Variants in RBM10 observed in about 807,000 individuals in gnomAD.
RBM10 encodes the protein RNA-binding protein 10.
In RBM10, 1 loss-of-function variant was observed where a neutral mutation model predicts 84.9. The observed-to-expected ratio is 0.01, with a 90% CI of 0.00 to 0.06. The LOEUF (loss-of-function observed/expected upper bound fraction) is 0.06. Among genes scored for constraint, RBM10 ranks in the 10% least tolerant of loss-of-function variants. The probability of loss-of-function intolerance (pLI) is 1.00; values close to 1 mark genes in which losing one functional copy is unlikely to be tolerated. For missense variants in RBM10, 438 were observed against 839.0 expected, an observed-to-expected ratio of 0.52 and a Z score of 5.90; for synonymous variants, 326 against 344.5, an observed-to-expected ratio of 0.95 and a Z score of 0.60.
At chrX:47,164,279 A>G (rs1196050901) in intron 2 of RBM10, among the ~76,000 whole-genome samples, 3 of 111,735 alleles carry the variant, frequency 2.7e-5, no homozygotes, top group Non-Finnish European at 5.6e-5. Flanking sequence ...AACATCCAGA[A>G]TATATGAACT....
chrX:47,154,380 A>G (rs1427669994), intron 2 of RBM10, among the ~76,000 whole-genome samples: 1 of 110,170 alleles, frequency 9.1e-6, no homozygotes, highest in Non-Finnish European at 1.9e-5. Flanking sequence ...GGATAATTTC[A>G]TCTGAAAATT....
chrX:47,161,690 C>G (rs1215274113), intron 2 of RBM10, among the ~76,000 whole-genome samples: 1 of 108,973 alleles, frequency 9.2e-6, no homozygotes, highest in Non-Finnish European at 1.9e-5. Context: ...ACCACCACGC[C>G]TAACTACTTT....
chrX:47,175,769 G>A (rs1935089238), intron 6 of RBM10, among the ~76,000 whole-genome samples: 1 of 110,810 alleles, frequency 9.0e-6, no homozygotes, highest in African/African-American at 3.3e-5. Flanking sequence ...GCCCTGGGGG[G>A]AGCCTGTCCC....
At position 47,186,703 on chromosome X, in the gene RBM10, CCA is replaced by C. The variant is rs782364985; in HGVS notation, c.*106_*107del. 8.8e-5 allele frequency: 92 copies of C among 1,044,044 alleles called. No homozygotes were observed. Among genetic ancestry groups the C allele is most frequent in the Non-Finnish European group, 1.2e-4 (92 of 751,290 alleles). The allele number at this position is 1,044,044 out of a possible 1,213,427, so 86.0% of individuals were successfully genotyped here. A position where few individuals can be genotyped will look rare whatever the true frequency, so the allele number is the denominator to read the frequency against. On this transcript the variant is annotated 3_prime_UTR_variant, in exon 24 of 24. Coordinates refer to ENST00000377604, the MANE Select transcript of RBM10 (RefSeq NM_005676.5). ...CGGGGCCTTGCTCTTGTCGGCCAGC[CCA>C]CTCCCCAGCCAGAGAGGGCTTGACC... is the stretch of plus-strand genomic sequence containing the variant.
Position 47,170,140 on chromosome X carries a change from G to T in RBM10, c.201+642G>T, listed in dbSNP as rs545160353. Reference sequence around the variant, plus strand: ...GTCCATGCGAGCAGGCAGCTCTCCTGTCCAGCAGGCTGGGAAGGGAGTTCT... The same window carrying T: ...GTCCATGCGAGCAGGCAGCTCTCCTTTCCAGCAGGCTGGGAAGGGAGTTCT... On this transcript the variant is annotated intron_variant, in intron 3 of 23. Coordinates refer to ENST00000377604, the MANE Select transcript of RBM10 (RefSeq NM_005676.5). 2.6e-5 allele frequency among the ~76,000 whole-genome samples: 3 copies of T among 113,682 alleles called. No homozygotes were observed. The South Asian group carries it at 1.1e-3, about 40-fold the overall frequency.
rs2147167291 is a variant in RBM10, at chrX:47,179,325, A to G, written c.731A>G (p.Glu244Gly). 8.3e-7 allele frequency: 1 copy of G among 1,198,725 alleles called. No individual in the cohort carries two copies. Among genetic ancestry groups the G allele is most frequent in the Non-Finnish European group, 1.1e-6 (1 of 890,008 alleles). ...CTCCCACTGCCCCTGACAGAGGCAG[A>G]GCAGAAGCTGCCCCTCGGCACGAGG... ...FKCGVPKSEAEQKLPLGTRLD... is the reference protein window; with the variant it reads ...FKCGVPKSEAGQKLPLGTRLD... Residue 244 changes from glutamate (E) to glycine (G), a missense_variant, in exon 9 of 24, where the codon GAG becomes GGG. This residue lies in a region of RBM10 where 36 missense variants were observed against 45.3 expected (regional missense o/e 0.79). Coordinates refer to ENST00000377604, the MANE Select transcript of RBM10 (RefSeq NM_005676.5).
chrX:47,156,846 G>A (rs1281149872), intron 2 of RBM10: 1 of 189,845 alleles, frequency 5.3e-6, no homozygotes. Context: ...TAGGCTGCTC[G>A]CCGGCTTGGC....
intron 2 of RBM10, among the ~76,000 whole-genome samples, chrX:47,159,433 C>T (rs1556766182): frequency 1.8e-5 from 2 of 108,640 alleles, no homozygotes; most frequent in African/African-American, 3.4e-5. Context: ...AAAAAAGTGC[C>T]GCTTTGAACA....
At chrX:47,177,999 C>T (rs1269025278) in intron 7 of RBM10, among the ~76,000 whole-genome samples, 1 of 111,121 alleles carries the variant, frequency 9.0e-6, no homozygotes, top group African/African-American at 3.3e-5. Flanking sequence ...ATCACAGAAA[C>T]GCCACCTTCC....
At chrX:47,174,183 C>A (rs1230627348) in intron 5 of RBM10, among the ~76,000 whole-genome samples, 1 of 109,250 alleles carries the variant, frequency 9.2e-6, no homozygotes, top group African/African-American at 3.3e-5. Context: ...AACTACACCA[C>A]ACACGGACAG....
intron 5 of RBM10, among the ~76,000 whole-genome samples, chrX:47,173,920 TC>T (rs1934886271): frequency 6.0e-5 from 6 of 99,494 alleles, no homozygotes; most frequent in African/African-American, 1.9e-4. Context: ...TCTCTCTCTC[TC>T]TCTCTCTCTC....
At chrX:47,169,189 C>A in intron 2 of RBM10, 126 bp from the exon 3 acceptor site, 1 of 534,762 alleles carries the variant, frequency 1.9e-6, no homozygotes, top group Non-Finnish European at 3.0e-6. Context: ...ATCAGAAGGG[C>A]ACCTCACTTC....
At chrX:47,173,951 TTC>T in intron 5 of RBM10, among the ~76,000 whole-genome samples, 1 of 63,067 alleles carries the variant, frequency 1.6e-5, no homozygotes, top group African/African-American at 6.6e-5. Flanking sequence ...CTCTCTCTCT[TTC>T]TCTCTCTCTG....
At chrX:47,168,882 G>A (rs782153942) in intron 2 of RBM10, among the ~76,000 whole-genome samples, 10 of 111,427 alleles carry the variant, frequency 9.0e-5, no homozygotes, top group Admixed American at 2.9e-4. Context: ...CCAGGTAGAA[G>A]TGAGGAGAAC....
At chrX:47,149,463 C>A (rs369402444) in intron 2 of RBM10, among the ~76,000 whole-genome samples, 1 of 111,892 alleles carries the variant, frequency 8.9e-6, no homozygotes, top group Non-Finnish European at 1.9e-5. Flanking sequence ...CGGTTTCAAG[C>A]GATTCTCCTG....
At position 47,169,371 on chromosome X, in the gene RBM10, A is replaced by G. The variant is rs2147128171; in HGVS notation, c.74A>G (p.Asp25Gly). The G allele has an allele frequency of 8.3e-7, 1 of 1,211,896 alleles. No homozygotes were observed. Among genetic ancestry groups the G allele is most frequent in the Non-Finnish European group, 1.1e-6 (1 of 895,407 alleles). ...RYGATDRSQD[D>G]GGENRSRDHD... ...GGAGCCACTGACCGCTCGCAGGATG[A>G]TGGTGGGGAGAACCGCAGCCGAGAC... The change falls in exon 3 of 24, where the codon GAT becomes GGT. Residue 25 changes from aspartate to glycine, a missense_variant. Physicochemically the swap from Asp to Gly is moderately conservative, Grantham distance 94. Transcript: ENST00000377604.
chrX:47,171,373 C>A, intron 4 of RBM10, 115 bp downstream of exon 4: 1 of 1,054,091 alleles, frequency 9.5e-7, no homozygotes, highest in East Asian at 3.3e-5. Flanking sequence ...CCCTTCTCCC[C>A]CTCCAGCTCC....
At chrX:47,167,127 C>T (rs1934288227) in intron 2 of RBM10, among the ~76,000 whole-genome samples, 1 of 111,169 alleles carries the variant, frequency 9.0e-6, no homozygotes. Flanking sequence ...AGATACACAT[C>T]ATTGATATTT....
chrX:47,173,889 ATCTCTCTCTCTCTCTCTCTC>A (rs537480494), intron 5 of RBM10, among the ~76,000 whole-genome samples: 1 of 38,595 alleles, frequency 2.6e-5, no homozygotes, highest in Non-Finnish European at 4.3e-5. Context: ...CCACACCTCC[ATCTCTCTCTCTCTCTCTCTC>A]TCTCTCTCTC....
Sources: gnomAD v4.1 joint callset for allele counts (sites outside exome capture counted in the v4.1 genomes callset) on GRCh38, gnomAD v4.1.1 for gene constraint, gnomAD v4.1.1 regional missense constraint, MANE v1.5 for transcripts, NCBI Gene and HGNC (gene_info 2026-07-23, HGNC 2026-07-21) for gene names.